Variants in FKBP5 observed in about 807,000 individuals in gnomAD.
The protein encoded by FKBP5 is FKBP prolyl isomerase 5, also known as peptidyl-prolyl cis-trans isomerase FKBP5.
A neutral mutation model predicts 50.5 loss-of-function variants in FKBP5; 23 were observed. The ratio of observed to expected loss-of-function variants is 0.46; its 90% confidence interval spans 0.33 to 0.65. The LOEUF (loss-of-function observed/expected upper bound fraction) is 0.65. Ranked by LOEUF, FKBP5 falls within the 30% of genes least tolerant of loss-of-function variation. FKBP5 has a pLI of 0.02. For missense variants in FKBP5, 411 were observed against 553.1 expected (o/e 0.74, Z 2.58); for synonymous variants, 176 against 190.6 (o/e 0.92, Z 0.63).
chr6:35,584,498 A>G (rs1265608480), intron 8 of FKBP5: 1 of 985,364 alleles, frequency 1.0e-6, no homozygotes, highest in Non-Finnish European at 1.2e-6. Flanking sequence ...CAAGTCAGAC[A>G]CCCTGGAAAG....
intron 1 of FKBP5, among the ~76,000 whole-genome samples, chr6:35,651,635 T>A (rs761004898): frequency 5.9e-5 from 9 of 152,182 alleles, no homozygotes; most frequent in Non-Finnish European, 1.3e-4. Context: ...AATATCCAAG[T>A]CTTACTTCTG....
chr6:35,655,464 G>A (rs1452046077), intron 1 of FKBP5, among the ~76,000 whole-genome samples: 2 of 152,182 alleles, frequency 1.3e-5, no homozygotes, highest in East Asian at 3.9e-4. Flanking sequence ...GGGCCAAAGA[G>A]TTTGGTTCTA....
intron 6 of FKBP5, among the ~76,000 whole-genome samples, chr6:35,594,045 T>C (rs1239430335): frequency 6.6e-6 from 1 of 152,156 alleles, no homozygotes; most frequent in Non-Finnish European, 1.5e-5. Flanking sequence ...AAATGTTTTA[T>C]GACTTTCTTA....
At chr6:35,662,520 G>A (rs1335642018) in intron 1 of FKBP5, among the ~76,000 whole-genome samples, 1 of 151,284 alleles carries the variant, frequency 6.6e-6, no homozygotes, top group African/African-American at 2.4e-5. Flanking sequence ...CTGGGCTCAA[G>A]CGATCCTGCC....
intron 3 of FKBP5, among the ~76,000 whole-genome samples, chr6:35,632,660 C>T (rs970287646): frequency 4.6e-5 from 7 of 151,888 alleles, no homozygotes; most frequent in Non-Finnish European, 4.4e-5. Context: ...GAGGCCAAAA[C>T]GGGTGGATCA....
chr6:35,714,295 T>C (rs1424417645), intron 2 of FKBP5, among the ~76,000 whole-genome samples: 2 of 138,892 alleles, frequency 1.4e-5, no homozygotes, highest in Middle Eastern at 3.8e-3. Context: ...CTACTAAAAA[T>C]ACAAAAATTA....
intron 1 of FKBP5, among the ~76,000 whole-genome samples, chr6:35,671,179 G>A (rs1165349586): frequency 6.6e-6 from 1 of 151,828 alleles, no homozygotes; most frequent in Non-Finnish European, 1.5e-5. Flanking sequence ...TGGAAGGATT[G>A]CTTGAGCCAG....
At chr6:35,598,464 C>T (rs1426548338) in intron 5 of FKBP5, among the ~76,000 whole-genome samples, 1 of 151,730 alleles carries the variant, frequency 6.6e-6, no homozygotes, top group African/African-American at 2.4e-5. Flanking sequence ...CTCAGGTGAT[C>T]CACCCGCCTC....
intron 2 of FKBP5, among the ~76,000 whole-genome samples, chr6:35,699,203 C>T (rs1766135609): frequency 6.6e-6 from 1 of 152,206 alleles, no homozygotes; most frequent in Non-Finnish European, 1.5e-5. Flanking sequence ...CACATGGGCT[C>T]TCCATGAAGC....
At chr6:35,626,254 A>G (rs913455583) in intron 3 of FKBP5, among the ~76,000 whole-genome samples, 1 of 152,220 alleles carries the variant, frequency 6.6e-6, no homozygotes, top group Non-Finnish European at 1.5e-5. Flanking sequence ...GTATGTAACT[A>G]TAGGCAGGTG....
At chr6:35,583,782 G>A in intron 8 of FKBP5, 4 of 985,470 alleles carry the variant, frequency 4.1e-6, no homozygotes, top group Non-Finnish European at 4.8e-6. Context: ...AAAGGAAAGA[G>A]ATGAAAGACA....
intron 1 of FKBP5, among the ~76,000 whole-genome samples, chr6:35,650,327 A>G (rs1477526107): frequency 6.6e-6 from 1 of 151,662 alleles, no homozygotes; most frequent in Non-Finnish European, 1.5e-5. Flanking sequence ...GGAAAAAAGA[A>G]TAGCATTGTA....
At chr6:35,611,042 G>A (rs1269195651) in intron 5 of FKBP5, among the ~76,000 whole-genome samples, 1 of 152,088 alleles carries the variant, frequency 6.6e-6, no homozygotes, top group African/African-American at 2.4e-5. Flanking sequence ...ATGACCATGA[G>A]CTTGGAGTTC....
chr6:35,619,665 A>C (rs894860980), intron 4 of FKBP5, among the ~76,000 whole-genome samples: 1 of 152,332 alleles, frequency 6.6e-6, no homozygotes, highest in African/African-American at 2.4e-5. Flanking sequence ...TTAAAAATCA[A>C]GTTTTGCCAA....
At chr6:35,727,601 G>T (rs1434895883) in intron 1 of FKBP5, among the ~76,000 whole-genome samples, 1 of 152,216 alleles carries the variant, frequency 6.6e-6, no homozygotes, top group Non-Finnish European at 1.5e-5. Context: ...GATCAGGGAA[G>T]GGGGGCTAGG....
chr6:35,671,532 T>C (rs1175571784), intron 1 of FKBP5, among the ~76,000 whole-genome samples: 2 of 152,014 alleles, frequency 1.3e-5, no homozygotes, highest in African/African-American at 4.8e-5. Context: ...GGTAGCCAAA[T>C]AGTATCTATA....
chr6:35,651,798 C>G (rs1477164564), intron 1 of FKBP5: 6 of 331,212 alleles, frequency 1.8e-5, no homozygotes, highest in Non-Finnish European at 2.3e-5. Flanking sequence ...TTATTTAATG[C>G]ACAAAATTAT....
intron 2 of FKBP5, among the ~76,000 whole-genome samples, chr6:35,707,286 G>A (rs1388597958): frequency 2.2e-5 from 3 of 137,794 alleles, no homozygotes; most frequent in Non-Finnish European, 4.5e-5. Flanking sequence ...ACGTGATCTC[G>A]GCTCACCACA....
intron 8 of FKBP5, chr6:35,585,431 A>T: frequency 3.0e-6 from 3 of 985,226 alleles, no homozygotes; most frequent in Non-Finnish European, 3.6e-6. Context: ...AGAGTTTAGA[A>T]ACTCACAGAA....
Sources: allele counts gnomAD v4.1 joint callset (sites outside exome capture counted in the v4.1 genomes callset), GRCh38; gene constraint gnomAD v4.1.1; transcripts MANE v1.5; gene names NCBI Gene and HGNC (gene_info 2026-07-23, HGNC 2026-07-21).